The following TMC7 variants were observed in gnomAD, a reference collection of about 807,000 sequenced individuals.
TMC7 encodes transmembrane channel-like protein 7.
Under a neutral mutation model 82.9 loss-of-function variants are expected in TMC7, and 54 were observed. The ratio of observed to expected loss-of-function variants is 0.65; its 90% confidence interval spans 0.52 to 0.82. The LOEUF (loss-of-function observed/expected upper bound fraction) is 0.82. Ranked by LOEUF, TMC7 falls within the 40% of genes least tolerant of loss-of-function variation. TMC7 has a pLI of 0.00. For synonymous variants in TMC7, 350 were observed against 337.9 expected (o/e 1.04, Z -0.39); for missense variants, 820 against 901.2 (o/e 0.91, Z 1.15).
intron 1 of TMC7, among the ~76,000 whole-genome samples, chr16:18,995,413 T>A (rs1206080388): frequency 6.6e-6 from 1 of 152,130 alleles, no homozygotes; most frequent in Non-Finnish European, 1.5e-5. Context: ...GCTGAGAAGA[T>A]CTGGGAAGGA....
intron 4 of TMC7, among the ~76,000 whole-genome samples, 161 bp downstream of exon 4, chr16:19,021,957 C>T (rs1218912069): frequency 6.6e-6 from 1 of 152,146 alleles, no homozygotes; most frequent in African/African-American, 2.4e-5. Context: ...CCATAATGCT[C>T]ATGCTGCTGT....
intron 2 of TMC7, among the ~76,000 whole-genome samples, chr16:19,009,932 C>T (rs1256778149): frequency 7.4e-6 from 1 of 134,978 alleles, no homozygotes; most frequent in Admixed American, 7.6e-5. Context: ...CAGAGTGAGA[C>T]TCCAGCTCAA....
intron 4 of TMC7, among the ~76,000 whole-genome samples, chr16:19,022,025 AC>A (rs1379647423): frequency 6.6e-6 from 1 of 152,152 alleles, no homozygotes; most frequent in African/African-American, 2.4e-5. Context: ...GTGAGAAATA[AC>A]CACAAAGGTT....
At chr16:18,995,982 T>A (rs2039037704) in intron 1 of TMC7, among the ~76,000 whole-genome samples, 2 of 152,140 alleles carry the variant, frequency 1.3e-5, no homozygotes, top group Non-Finnish European at 2.9e-5. Context: ...AAAACCTAAA[T>A]GCTAACTGAT....
At chr16:19,003,530 G>A (rs1361530911) in intron 1 of TMC7, among the ~76,000 whole-genome samples, 44 of 149,966 alleles carry the variant, frequency 2.9e-4, no homozygotes, top group African/African-American at 1.0e-3. Flanking sequence ...TCTGGGAGGT[G>A]TGCCCAACAG....
Position 19,040,310 on chromosome 16 carries a change from G to A in TMC7, c.1201G>A (p.Gly401Arg). 1 of 1,613,228 alleles carries A rather than the reference G, an allele frequency of 6.2e-7. No individual in the cohort carries two copies. Among genetic ancestry groups the A allele is most frequent in the Non-Finnish European group, 8.5e-7 (1 of 1,179,804 alleles). ...CTAGGAAATCGACAAGATGGTTTTTGGAGAGAACCTCTTCATATTGTATCT... is the reference window on the plus strand; with the variant it reads ...CTAGGAAATCGACAAGATGGTTTTTAGAGAGAACCTCTTCATATTGTATCT... Reference protein sequence around the residue: ...MKKEIDKMVFGENLFILYLPS... With the variant: ...MKKEIDKMVFRENLFILYLPS... The change falls in exon 9 of 16, where the codon GGA becomes AGA. Residue 401 changes from glycine to arginine, a missense_variant. Transcript: ENST00000304381.
At chr16:19,030,081 G>A in intron 5 of TMC7, 143 bp from the exon 6 acceptor site, 2 of 784,946 alleles carry the variant, frequency 2.5e-6, no homozygotes, top group Non-Finnish European at 4.1e-6. Flanking sequence ...AATACTCCCT[G>A]TGCCTCTGGG....
chr16:19,055,522 T>A (rs1961730552), intron 13 of TMC7, among the ~76,000 whole-genome samples: 1 of 152,174 alleles, frequency 6.6e-6, no homozygotes, highest in Non-Finnish European at 1.5e-5. Context: ...CATGCCCAGC[T>A]AATTATTGTA....
intron 1 of TMC7, among the ~76,000 whole-genome samples, chr16:19,002,588 CTT>C (rs2039161595): frequency 6.6e-6 from 1 of 152,174 alleles, no homozygotes; most frequent in Non-Finnish European, 1.5e-5. Flanking sequence ...CTCAGAGAGA[CTT>C]TGTCCTTAAC....
At chr16:19,045,073 C>T (rs562035520) in intron 10 of TMC7, 72 bp downstream of exon 10, 55 of 1,218,786 alleles carry the variant, frequency 4.5e-5, no homozygotes, top group Non-Finnish European at 5.7e-5. Flanking sequence ...AAGAGAACAG[C>T]GGTTGAAGCC....
At chr16:19,006,996 T>C (rs1036673538) in intron 1 of TMC7, among the ~76,000 whole-genome samples, 3 of 151,908 alleles carry the variant, frequency 2.0e-5, no homozygotes, top group African/African-American at 7.3e-5. Flanking sequence ...TTTTTTTTTT[T>C]GTATTTTTAG....
At chr16:19,051,054 G>C (rs971123917) in intron 12 of TMC7, among the ~76,000 whole-genome samples, 4 of 152,054 alleles carry the variant, frequency 2.6e-5, no homozygotes, top group Admixed American at 1.3e-4. Flanking sequence ...ACGCAGCCAC[G>C]AGCCCCCACT....
At chr16:18,992,179 T>A (rs1254105799) in intron 1 of TMC7, among the ~76,000 whole-genome samples, 1 of 152,196 alleles carries the variant, frequency 6.6e-6, no homozygotes, top group Non-Finnish European at 1.5e-5. Flanking sequence ...CACACTGTCT[T>A]CCACAATGGT....
intron 2 of TMC7, among the ~76,000 whole-genome samples, chr16:19,010,118 C>A (rs1292963281): frequency 8.7e-6 from 1 of 115,010 alleles, no homozygotes; most frequent in Non-Finnish European, 1.8e-5. Context: ...CCCCTTCCCC[C>A]TTTCCCCTCT....
intron 13 of TMC7, among the ~76,000 whole-genome samples, chr16:19,054,531 C>T (rs1961679834): frequency 6.6e-6 from 1 of 151,964 alleles, no homozygotes; most frequent in African/African-American, 2.4e-5. Flanking sequence ...GCCTGACCAA[C>T]ATGGAGAAAC....
At chr16:18,988,409 C>T (rs2038891439) in intron 1 of TMC7, among the ~76,000 whole-genome samples, 1 of 151,980 alleles carries the variant, frequency 6.6e-6, no homozygotes, top group African/African-American at 2.4e-5. Context: ...CCCACCTTGG[C>T]CTCCCAAAGT....
chr16:19,047,399 G>A, intron 12 of TMC7, 150 bp downstream of exon 12: 1 of 630,180 alleles, frequency 1.6e-6, no homozygotes, highest in Non-Finnish European at 2.5e-6. Context: ...GAAAAATATT[G>A]CTTTTTTTTT....
chr16:18,987,162 G>A (rs1490368741), intron 1 of TMC7, among the ~76,000 whole-genome samples: 1 of 152,136 alleles, frequency 6.6e-6, no homozygotes, highest in East Asian at 1.9e-4. Context: ...TGTCAGAGAG[G>A]CAGACCTCTG....
intron 9 of TMC7, among the ~76,000 whole-genome samples, chr16:19,043,015 G>A (rs1961093944): frequency 6.6e-6 from 1 of 151,846 alleles, no homozygotes; most frequent in Admixed American, 6.6e-5. Context: ...CAAAGTGCTG[G>A]GATTACAGGC....
Sources: allele counts gnomAD v4.1 joint callset (sites outside exome capture counted in the v4.1 genomes callset), GRCh38; gene constraint gnomAD v4.1.1; transcripts MANE v1.5; gene names NCBI Gene and HGNC (gene_info 2026-07-23, HGNC 2026-07-21).